NBAS: variants seen among roughly 807,000 people sequenced by gnomAD.
NBAS encodes NAG/BC035112 fusion.
Under a neutral mutation model 302.5 loss-of-function variants are expected in NBAS, and 219 were observed. The observed-to-expected ratio is 0.72, with a 90% CI of 0.65 to 0.81. NBAS has a LOEUF of 0.81. Among genes scored for constraint, NBAS ranks in the 30% least tolerant of loss-of-function variants. The probability of loss-of-function intolerance (pLI) is 0.00; values close to 1 mark genes in which losing one functional copy is unlikely to be tolerated. For synonymous variants in NBAS, 1,118 were observed against 1,021.6 expected (o/e 1.09, Z -1.80); for missense variants, 2,932 against 2,841.6 (o/e 1.03, Z -0.72).
intron 31 of NBAS, among the ~76,000 whole-genome samples, 171 bp downstream of exon 31, chr2:15,374,437 C>A (rs959152184): frequency 6.6e-6 from 1 of 151,844 alleles, no homozygotes; most frequent in African/African-American, 2.4e-5. Context: ...TTTATTTTTT[C>A]TTTTGGGTTT....
At chr2:14,808,984 A>G in the NBAS span, among the ~76,000 whole-genome samples, 15 of 152,150 alleles carry the variant, frequency 9.9e-5, no homozygotes, top group Non-Finnish European at 2.1e-4. Flanking sequence ...CCTGCCCTAG[A>G]GATTTGTGGA....
the NBAS span, among the ~76,000 whole-genome samples, chr2:14,967,378 C>T: frequency 3.3e-5 from 5 of 152,146 alleles, no homozygotes; most frequent in Admixed American, 2.6e-4. Flanking sequence ...TGATACTACC[C>T]GATTTCAAGA....
chr2:15,062,375 G>A, the NBAS span, among the ~76,000 whole-genome samples: 1 of 152,202 alleles, frequency 6.6e-6, no homozygotes, highest in South Asian at 2.1e-4. Context: ...TGCCTGAGCT[G>A]CCAATTGGGC....
chr2:15,345,638 A>G (rs1673054195), intron 35 of NBAS, among the ~76,000 whole-genome samples: 1 of 152,232 alleles, frequency 6.6e-6, no homozygotes, highest in Non-Finnish European at 1.5e-5. Flanking sequence ...CATTCTTCAC[A>G]GAATTAGAAA....
In NBAS at chr2:15,500,105, G is replaced by C. The variant is rs73915318; in HGVS notation, c.954+4040C>G. On this transcript the variant is annotated intron_variant, in intron 11 of 51. Transcript: ENST00000281513. ...TAACTAACTGTCCTTTCCAAGACAG[G>C]GTTTTTAAGAATATTAAACATCAGA... Among the ~76,000 whole-genome samples the C allele has an allele frequency of 5.9e-3, 899 of 152,036 alleles. 9 individuals carry two copies. The highest frequency in any genetic ancestry group is 0.02 in the African/African-American group (817 of 41,458).
At chr2:14,974,605 A>T in the NBAS span, among the ~76,000 whole-genome samples, 2 of 152,208 alleles carry the variant, frequency 1.3e-5, no homozygotes, top group Non-Finnish European at 2.9e-5. Flanking sequence ...ATGCTCATAA[A>T]GCTTCAGGAC....
chr2:15,478,729 G>A (rs935736137), intron 12 of NBAS, among the ~76,000 whole-genome samples: 4 of 152,044 alleles, frequency 2.6e-5, no homozygotes, highest in South Asian at 4.1e-4. Context: ...TTACCTCCTA[G>A]TCCTTTTTAT....
the NBAS span, among the ~76,000 whole-genome samples, chr2:15,023,668 A>G: frequency 1.0e-5 from 1 of 98,620 alleles, no homozygotes; most frequent in Non-Finnish European, 2.3e-5. Flanking sequence ...TATTTCCTTG[A>G]GAGTTAATTT....
the NBAS span, among the ~76,000 whole-genome samples, chr2:14,999,453 G>A: frequency 6.6e-6 from 1 of 152,124 alleles, no homozygotes; most frequent in African/African-American, 2.4e-5. Flanking sequence ...AGGCCTGGTG[G>A]GAGGTGATTG....
intron 51 of NBAS, among the ~76,000 whole-genome samples, chr2:15,174,090 CA>C (rs1664421102): frequency 6.6e-6 from 1 of 152,164 alleles, no homozygotes; most frequent in African/African-American, 2.4e-5. Context: ...CGCATCCAGA[CA>C]GGAGGTACAA....
intron 39 of NBAS, among the ~76,000 whole-genome samples, chr2:15,308,618 G>C (rs1057494168): frequency 6.6e-6 from 1 of 152,180 alleles, no homozygotes; most frequent in African/African-American, 2.4e-5. Flanking sequence ...GATCCTTTCA[G>C]CACCTAAGAA....
chr2:15,444,330 A>T (rs1368713051), intron 21 of NBAS, among the ~76,000 whole-genome samples: 2 of 152,224 alleles, frequency 1.3e-5, no homozygotes, highest in Non-Finnish European at 2.9e-5. Flanking sequence ...AACAGAACAC[A>T]GCCCTCAGAA....
chr2:14,846,919 AC>A, the NBAS span, among the ~76,000 whole-genome samples: 4 of 152,184 alleles, frequency 2.6e-5, no homozygotes, highest in Admixed American at 6.5e-5. Flanking sequence ...AGAGAAAAAA[AC>A]AACCAGAAAA....
At chr2:15,253,466 T>C (rs1406018534) in intron 44 of NBAS, among the ~76,000 whole-genome samples, 1 of 152,186 alleles carries the variant, frequency 6.6e-6, no homozygotes, top group Non-Finnish European at 1.5e-5. Flanking sequence ...GGTGCCATGC[T>C]GGGAAACTTA....
the NBAS span, among the ~76,000 whole-genome samples, chr2:14,881,193 G>A: frequency 6.6e-6 from 1 of 152,150 alleles, no homozygotes; most frequent in African/African-American, 2.4e-5. Context: ...CAGCAACATA[G>A]ATACAGCTAT....
At chr2:14,817,538 TA>T in the NBAS span, among the ~76,000 whole-genome samples, 1 of 152,174 alleles carries the variant, frequency 6.6e-6, no homozygotes, top group Admixed American at 6.5e-5. Context: ...GCAACCCCAG[TA>T]AAAGTATGTT....
the NBAS span, among the ~76,000 whole-genome samples, chr2:14,980,963 A>C: frequency 6.6e-6 from 1 of 152,184 alleles, no homozygotes; most frequent in East Asian, 1.9e-4. Context: ...ATCATTTAGA[A>C]AGTAGATCTA....
At chr2:15,348,667 A>G (rs1673208780) in intron 35 of NBAS, among the ~76,000 whole-genome samples, 1 of 151,978 alleles carries the variant, frequency 6.6e-6, no homozygotes, top group Non-Finnish European at 1.5e-5. Context: ...GTAGCACCAC[A>G]TGATGACTGA....
the NBAS span, among the ~76,000 whole-genome samples, chr2:15,001,812 C>T: frequency 1.3e-5 from 2 of 152,068 alleles, no homozygotes; most frequent in African/African-American, 4.8e-5. Flanking sequence ...AAGCTGCAGA[C>T]CTTCGCGGTG....
Sources: gnomAD v4.1 joint callset for allele counts (sites outside exome capture counted in the v4.1 genomes callset) on GRCh38, gnomAD v4.1.1 for gene constraint, MANE v1.5 for transcripts, NCBI Gene and HGNC (gene_info 2026-07-23, HGNC 2026-07-21) for gene names.